Variants in MAGI2 observed in about 807,000 individuals in gnomAD.
MAGI2 encodes the protein membrane associated guanylate kinase, WW and PDZ domain containing 2, also known as membrane-associated guanylate kinase, WW and PDZ domain-containing protein 2.
MAGI2 carries 35 observed loss-of-function variants against 133.3 expected under a neutral mutation model. The ratio of observed to expected loss-of-function variants is 0.26; its 90% CI spans 0.20 to 0.35. MAGI2 has a LOEUF of 0.35. Among genes scored for constraint, MAGI2 ranks in the 10% least tolerant of loss-of-function variants. MAGI2 has a pLI of 1.00. For missense variants in MAGI2, 1,636 were observed against 1,863.4 expected, an observed-to-expected ratio of 0.88 and a Z score of 2.25; for synonymous variants, 729 against 710.6, an observed-to-expected ratio of 1.03 and a Z score of -0.41.
At chr7:79,386,041 A>G (rs1244904725) in intron 1 of MAGI2, among the ~76,000 whole-genome samples, 2 of 152,026 alleles carry the variant, frequency 1.3e-5, no homozygotes, top group African/African-American at 4.8e-5. Context: ...GATAACATTA[A>G]AATTACTTTA....
intron 2 of MAGI2, among the ~76,000 whole-genome samples, chr7:78,674,478 TA>T (rs142146575): frequency 3.4e-4 from 51 of 148,480 alleles, no homozygotes; most frequent in South Asian, 8.5e-4. Flanking sequence ...ATCAGGCAGC[TA>T]AAAAAAAAAT....
intron 2 of MAGI2, among the ~76,000 whole-genome samples, chr7:78,860,584 C>A (rs1794074415): frequency 6.6e-6 from 1 of 152,174 alleles, no homozygotes. Context: ...GCAGATGTTG[C>A]TGCCTGATCC....
chr7:78,260,778 C>T (rs1793442159), intron 9 of MAGI2, among the ~76,000 whole-genome samples: 1 of 151,986 alleles, frequency 6.6e-6, no homozygotes, highest in Non-Finnish European at 1.5e-5. Flanking sequence ...ACCTGATTGC[C>T]AATTATGGAA....
At chr7:79,287,064 C>A (rs992638540) in intron 1 of MAGI2, among the ~76,000 whole-genome samples, 2 of 152,014 alleles carry the variant, frequency 1.3e-5, no homozygotes, top group African/African-American at 4.8e-5. Context: ...ATAAATGGTG[C>A]AGGAGTTTCC....
chr7:79,316,918 T>C (rs961077041), intron 1 of MAGI2, among the ~76,000 whole-genome samples: 1 of 151,378 alleles, frequency 6.6e-6, no homozygotes, highest in African/African-American at 2.4e-5. Context: ...AGCTATTTAG[T>C]AGCAGAGCTG....
intron 9 of MAGI2, among the ~76,000 whole-genome samples, chr7:78,339,665 T>C (rs755297490): frequency 2.0e-5 from 3 of 152,156 alleles, no homozygotes; most frequent in African/African-American, 4.8e-5. Flanking sequence ...TCGTAGGCAA[T>C]AGGGTAATTT....
chr7:78,501,472 T>C lies in MAGI2; in HGVS notation c.965+105A>G, dbSNP rs549095800. 7.9e-6 allele frequency: 8 copies of C among 1,017,056 alleles called. No homozygotes were observed. The African/African-American group carries it at 1.2e-4, about 15-fold the overall frequency. 63.0% of individuals were successfully genotyped at this position (1,017,056 alleles called of 1,614,324 possible). ...AAATAAAAAAGCTGTTACCAGAATT[T>C]CATGTTTTTTTCTTTTTTTTTTTTT... On this transcript the variant is annotated intron_variant, in intron 5 of 21. Coordinates refer to ENST00000354212, the MANE Select transcript of MAGI2 (RefSeq NM_012301.4).
chr7:78,369,360 T>A (rs1445445659), intron 6 of MAGI2, 147 bp from the exon 7 acceptor site: 1 of 603,248 alleles, frequency 1.7e-6, no homozygotes, highest in African/African-American at 1.9e-5. Flanking sequence ...CAGAACATAT[T>A]ATAGAAACTA....
chr7:78,194,609 C>G (rs1185436565), intron 12 of MAGI2, among the ~76,000 whole-genome samples: 9 of 152,174 alleles, frequency 5.9e-5, no homozygotes, highest in Non-Finnish European at 1.3e-4. Flanking sequence ...ACCTCACCCC[C>G]CAACCCCCAA....
chr7:78,268,942 C>G (rs798330), intron 9 of MAGI2, among the ~76,000 whole-genome samples: 1 of 151,890 alleles, frequency 6.6e-6, no homozygotes, highest in African/African-American at 2.4e-5. Flanking sequence ...ACCAGCCCCC[C>G]ACCCACTGAC....
intron 1 of MAGI2, among the ~76,000 whole-genome samples, chr7:79,279,885 T>C (rs1026489645): frequency 2.0e-5 from 3 of 152,184 alleles, no homozygotes; most frequent in African/African-American, 7.2e-5. Flanking sequence ...AAGGCAGTGA[T>C]TTAAGCTTTA....
At chr7:79,226,000 A>T (rs964931388) in intron 1 of MAGI2, among the ~76,000 whole-genome samples, 2 of 152,162 alleles carry the variant, frequency 1.3e-5, no homozygotes, top group Admixed American at 1.3e-4. Flanking sequence ...GTTGTATACC[A>T]CTTTTATTCT....
intron 20 of MAGI2, among the ~76,000 whole-genome samples, chr7:78,088,683 C>A (rs542269232): frequency 6.6e-6 from 1 of 152,108 alleles, no homozygotes; most frequent in South Asian, 2.1e-4. Context: ...GGAGCTGTAG[C>A]GGGAAGGAAT....
intron 16 of MAGI2, among the ~76,000 whole-genome samples, chr7:78,143,560 A>G (rs964389818): frequency 2.0e-5 from 3 of 152,160 alleles, no homozygotes; most frequent in African/African-American, 7.2e-5. Context: ...AGGAGAGTAA[A>G]CAATCTTCTA....
At chr7:79,038,340 T>A (rs1811309755) in intron 1 of MAGI2, among the ~76,000 whole-genome samples, 1 of 152,152 alleles carries the variant, frequency 6.6e-6, no homozygotes, top group Non-Finnish European at 1.5e-5. Context: ...AATTCATGTA[T>A]TTTTTTATTA....
At chr7:78,742,008 C>T (rs1400348473) in intron 2 of MAGI2, among the ~76,000 whole-genome samples, 1 of 151,640 alleles carries the variant, frequency 6.6e-6, no homozygotes, top group Non-Finnish European at 1.5e-5. Context: ...ATCTAGTTAT[C>T]TAGTTATTAT....
chr7:78,502,960 C>T (rs1029985029), intron 4 of MAGI2, among the ~76,000 whole-genome samples: 2 of 152,138 alleles, frequency 1.3e-5, no homozygotes, highest in Non-Finnish European at 2.9e-5. Flanking sequence ...ATTAAGGAAA[C>T]ATGCAGACAC....
At chr7:78,087,353 A>T (rs1183618637) in intron 20 of MAGI2, among the ~76,000 whole-genome samples, 1 of 152,234 alleles carries the variant, frequency 6.6e-6, no homozygotes, top group Non-Finnish European at 1.5e-5. Context: ...ATTTGGTTTC[A>T]TAATATATGT....
intron 2 of MAGI2, among the ~76,000 whole-genome samples, chr7:78,900,707 A>G (rs192300532): frequency 6.6e-6 from 1 of 152,138 alleles, no homozygotes; most frequent in South Asian, 2.1e-4. Context: ...GCACTGATTA[A>G]TCCTATTAAT....
Sources: gnomAD v4.1 joint callset for allele counts (sites outside exome capture counted in the v4.1 genomes callset) on GRCh38, gnomAD v4.1.1 for gene constraint, MANE v1.5 for transcripts, NCBI Gene and HGNC (gene_info 2026-07-23, HGNC 2026-07-21) for gene names.